Variants in SPAG16 observed in about 807,000 individuals in gnomAD.
SPAG16 encodes sperm associated antigen 16.
A neutral mutation model predicts 80.4 loss-of-function variants in SPAG16; 86 were observed. That is an observed-to-expected ratio of 1.07 (90% CI 0.90 to 1.28). SPAG16 has a LOEUF of 1.28. Among genes scored for constraint, SPAG16 ranks in the 50% most tolerant of loss-of-function variants. SPAG16 has a pLI of 0.00. For missense variants in SPAG16, 870 were observed against 765.3 expected (o/e 1.14, Z -1.61); for synonymous variants, 294 against 265.9 (o/e 1.11, Z -1.03).
intron 10 of SPAG16, among the ~76,000 whole-genome samples, chr2:213,768,710 A>G (rs764166647): frequency 5.9e-5 from 9 of 152,242 alleles, no homozygotes; most frequent in Non-Finnish European, 1.2e-4. Flanking sequence ...GGAAATATCC[A>G]ATCACATATC....
chr2:213,984,567 C>A (rs1325915630), intron 12 of SPAG16, among the ~76,000 whole-genome samples: 1 of 152,090 alleles, frequency 6.6e-6, no homozygotes, highest in Non-Finnish European at 1.5e-5. Flanking sequence ...AGGCATGGGA[C>A]ATGGGAAGCA....
At chr2:213,310,817 C>T (rs2063157255) in intron 4 of SPAG16, among the ~76,000 whole-genome samples, 1 of 151,592 alleles carries the variant, frequency 6.6e-6, no homozygotes, top group Non-Finnish European at 1.5e-5. Context: ...TTTTCAGTTT[C>T]CTGACATTGT....
chr2:213,822,191 T>A (rs2072988246), intron 10 of SPAG16, among the ~76,000 whole-genome samples: 1 of 152,210 alleles, frequency 6.6e-6, no homozygotes, highest in Non-Finnish European at 1.5e-5. Flanking sequence ...TCCCCCTTCT[T>A]CATATCCTTG....
chr2:214,059,326 CT>C (rs898932941), intron 13 of SPAG16, among the ~76,000 whole-genome samples: 1 of 146,502 alleles, frequency 6.8e-6, no homozygotes, highest in Non-Finnish European at 1.5e-5. Context: ...GAATGGTTGT[CT>C]TTTTTTTCAG....
rs765816861 is a variant in SPAG16, at chr2:213,380,954, T to A, written c.942+5835T>A. ...AATGTGGTTGCCTGCAAAATCAAAA[T>A]AGGCCCACTAGGCATTGTGCCTCTT... On this transcript the variant is annotated intron_variant, in intron 9 of 15. Coordinates refer to ENST00000331683, the MANE Select transcript of SPAG16 (RefSeq NM_024532.5). 3.2e-4 allele frequency among the ~76,000 whole-genome samples: 48 copies of A among 152,192 alleles called. 1 individual carries two copies. The highest frequency in any genetic ancestry group is 6.3e-3 in the Middle Eastern group (2 of 316).
intron 10 of SPAG16, among the ~76,000 whole-genome samples, chr2:213,799,119 G>A (rs2071221523): frequency 6.6e-6 from 1 of 152,130 alleles, no homozygotes; most frequent in Non-Finnish European, 1.5e-5. Context: ...AAAAAGCAGA[G>A]ATTTTGATAG....
chr2:213,522,956 T>C (rs978426974), intron 10 of SPAG16, among the ~76,000 whole-genome samples: 1 of 152,046 alleles, frequency 6.6e-6, no homozygotes, highest in Non-Finnish European at 1.5e-5. Flanking sequence ...CAGAGGCAAC[T>C]AATTATTGTT....
rs1553677669 is a variant in SPAG16, at chr2:213,949,179, T to TTTTTTTTTTTGTTTTTTTGTTTTTTTG, written c.1400+19044_1400+19045insGTTTTTTTGTTTTTTTGTTTTTTTTTT. On this transcript the variant is annotated intron_variant, in intron 12 of 15. Coordinates refer to ENST00000331683, the MANE Select transcript of SPAG16 (RefSeq NM_024532.5). Reference sequence around the variant, plus strand: ...TACTTAATTACAACAGTTTTTTTTTTTTTTTTTTTTTTTTGAGGTAGAGTC... The same window carrying TTTTTTTTTTTGTTTTTTTGTTTTTTTG: ...TACTTAATTACAACAGTTTTTTTTTTTTTTTTTTTTGTTTTTTTGTTTTTTTGTTTTTTTTTTTTTTGAGGTAGAGTC... Among the ~76,000 whole-genome samples, 209 of 36,224 alleles carry TTTTTTTTTTTGTTTTTTTGTTTTTTTG rather than the reference T, an allele frequency of 5.8e-3. 3 individuals are homozygous for TTTTTTTTTTTGTTTTTTTGTTTTTTTG. The highest frequency in any genetic ancestry group is 0.017 in the African/African-American group (204 of 12,236). 23.8% of individuals were successfully genotyped at this position (36,224 alleles called of 152,430 possible).
intron 15 of SPAG16, among the ~76,000 whole-genome samples, chr2:214,222,991 A>G (rs368089465): frequency 1.1e-4 from 16 of 152,242 alleles, no homozygotes; most frequent in African/African-American, 3.4e-4. Context: ...GTTGAGAACT[A>G]ATTTCTTGAC....
chr2:213,535,362 T>C (rs1471392051), intron 10 of SPAG16, among the ~76,000 whole-genome samples: 2 of 152,026 alleles, frequency 1.3e-5, no homozygotes, highest in Non-Finnish European at 2.9e-5. Flanking sequence ...AAAAGAAAGC[T>C]TAAGCAAGTG....
In SPAG16 at chr2:213,804,688, ACT is replaced by A. The variant is rs1172155319; in HGVS notation, c.1071-57796_1071-57795del. On this transcript the variant is annotated intron_variant, in intron 10 of 15. Transcript: ENST00000331683. Reference sequence around the variant, plus strand: ...ACAGAGCGAGACTCCGTCTCAACTAACTAACTAACTAACTAACTAACTAACTA... The same window carrying A: ...ACAGAGCGAGACTCCGTCTCAACTAAAACTAACTAACTAACTAACTAACTA... Among the ~76,000 whole-genome samples, 529 of 98,282 alleles carry A rather than the reference ACT, an allele frequency of 5.4e-3. 3 individuals are homozygous for A. Among genetic ancestry groups the A allele is most frequent in the African/African-American group, 0.015 (501 of 34,166 alleles). The allele number at this position is 98,282 out of a possible 152,430, so 64.5% of individuals were successfully genotyped here. A position where few individuals can be genotyped will look rare whatever the true frequency, so the allele number is the denominator to read the frequency against.
chr2:213,358,704 C>A (rs187359613), intron 7 of SPAG16, among the ~76,000 whole-genome samples: 1 of 152,068 alleles, frequency 6.6e-6, no homozygotes, highest in African/African-American at 2.4e-5. Context: ...GGTTAGACCA[C>A]GCTCCTTTAG....
At chr2:214,394,812 T>C (rs970651874) in intron 15 of SPAG16, among the ~76,000 whole-genome samples, 7 of 152,292 alleles carry the variant, frequency 4.6e-5, no homozygotes, top group African/African-American at 1.7e-4. Context: ...CATGATACTA[T>C]GGTATCGCAG....
At chr2:213,807,240 T>G (rs531590303) in intron 10 of SPAG16, among the ~76,000 whole-genome samples, 1 of 152,298 alleles carries the variant, frequency 6.6e-6, no homozygotes, top group African/African-American at 2.4e-5. Context: ...CTCCTTCATG[T>G]TTTTCTTTGC....
intron 1 of SPAG16, among the ~76,000 whole-genome samples, chr2:213,289,401 A>G (rs1435614922): frequency 2.0e-5 from 3 of 152,206 alleles, no homozygotes; most frequent in Non-Finnish European, 1.5e-5. Flanking sequence ...TATGTAGGAC[A>G]GGGGTGGCCA....
At position 213,901,722 on chromosome 2, in the gene SPAG16, A is replaced by G. The variant is rs538037263; in HGVS notation, c.1215-28238A>G. On this transcript the variant is annotated intron_variant, in intron 11 of 15. Transcript: ENST00000331683. The stretch of plus-strand genomic sequence containing the variant: ...CATAAATTAAAAAATACAATAATCT[A>G]TAGCACAGCATCTATTGGAAGATAC... Among the ~76,000 whole-genome samples the G allele has an allele frequency of 2.6e-5, 4 of 152,280 alleles. No individual in the cohort carries two copies. The East Asian group carries it at 7.7e-4, about 29-fold the overall frequency.
chr2:214,396,592 G>A (rs528365805), intron 15 of SPAG16, among the ~76,000 whole-genome samples: 1 of 151,928 alleles, frequency 6.6e-6, no homozygotes, highest in Non-Finnish European at 1.5e-5. Flanking sequence ...TGACAGTTTT[G>A]TTTCATTGAT....
At chr2:214,109,140 G>T (rs1166350688) in intron 14 of SPAG16, among the ~76,000 whole-genome samples, 2 of 152,072 alleles carry the variant, frequency 1.3e-5, no homozygotes, top group Admixed American at 6.6e-5. Context: ...ATGAAATGAT[G>T]GTGCCATGCT....
chr2:214,054,757 A>T (rs1422192485), intron 13 of SPAG16, among the ~76,000 whole-genome samples: 2 of 152,116 alleles, frequency 1.3e-5, no homozygotes, highest in Non-Finnish European at 2.9e-5. Context: ...CCAAAGATAT[A>T]TTTTTTGTTG....
Sources: allele counts gnomAD v4.1 joint callset (sites outside exome capture counted in the v4.1 genomes callset), GRCh38; gene constraint gnomAD v4.1.1; transcripts MANE v1.5; gene names NCBI Gene and HGNC (gene_info 2026-07-23, HGNC 2026-07-21).